Variants in METAP1D observed in about 807,000 individuals in gnomAD.
METAP1D encodes the protein methionine aminopeptidase 1D, mitochondrial.
A neutral mutation model predicts 40.5 loss-of-function variants in METAP1D; 31 were observed. The observed-to-expected ratio is 0.77, with a 90% CI of 0.58 to 1.03. The LOEUF (loss-of-function observed/expected upper bound fraction) is 1.03. Ranked by LOEUF, METAP1D falls within the 50% of genes least tolerant of loss-of-function variation. The pLI is 0.00. For missense variants in METAP1D, 411 were observed against 420.7 expected (o/e 0.98, Z 0.20); for synonymous variants, 151 against 146.4 (o/e 1.03, Z -0.22).
intron 1 of METAP1D, among the ~76,000 whole-genome samples, chr2:172,032,984 G>T (rs867121075): frequency 6.6e-6 from 1 of 151,962 alleles, no homozygotes; most frequent in Non-Finnish European, 1.5e-5. Flanking sequence ...GCGTGAACCC[G>T]GGAGGTGGAG....
rs1689674222 is a variant in METAP1D, at chr2:172,043,846, G to A, written c.41-17652G>A. On this transcript the variant is annotated intron_variant, in intron 1 of 9. Coordinates refer to ENST00000315796, the MANE Select transcript of METAP1D (RefSeq NM_199227.3). ...ATGGTGGCTCACGCCTGTAATTCCA[G>A]CACTGTGGGAGACCAAGGCAGGAGG... is the stretch of plus-strand genomic sequence containing the variant. Among the ~76,000 whole-genome samples the A allele has an allele frequency of 1.5e-5, 2 of 135,440 alleles. 1 individual carries two copies. Among genetic ancestry groups the A allele is most frequent in the South Asian group, 4.7e-4 (2 of 4,268 alleles). The allele number at this position is 135,440 out of a possible 152,430, so 88.9% of individuals were successfully genotyped here.
chr2:172,055,930 G>A (rs920535719), intron 1 of METAP1D, among the ~76,000 whole-genome samples: 2 of 152,100 alleles, frequency 1.3e-5, no homozygotes, highest in Non-Finnish European at 2.9e-5. Context: ...GGCAGGACAG[G>A]TACCTTGGCA....
At chr2:172,069,731 G>A (rs1690376978) in intron 5 of METAP1D, among the ~76,000 whole-genome samples, 1 of 152,228 alleles carries the variant, frequency 6.6e-6, no homozygotes, top group Middle Eastern at 3.4e-3. Context: ...GAAAACACTC[G>A]ATTAGAAGCC....
chr2:172,036,184 G>A (rs2094759575), intron 1 of METAP1D, among the ~76,000 whole-genome samples: 1 of 150,970 alleles, frequency 6.6e-6, no homozygotes, highest in Admixed American at 6.6e-5. Context: ...GGGCGTGGTG[G>A]CGGGTGCCTG....
chr2:172,040,547 A>G (rs1437047184), intron 1 of METAP1D, among the ~76,000 whole-genome samples: 1 of 152,178 alleles, frequency 6.6e-6, no homozygotes, highest in African/African-American at 2.4e-5. Flanking sequence ...ATTTTAAGAC[A>G]TACTGCTACT....
At position 172,023,616 on chromosome 2, in the gene METAP1D, G is replaced by C. The variant is rs139740024; in HGVS notation, c.40+23607G>C. Among the ~76,000 whole-genome samples, 566 of 152,134 alleles carry C rather than the reference G, an allele frequency of 3.7e-3. 5 individuals carry two copies. Among genetic ancestry groups the C allele is most frequent in the African/African-American group, 0.012 (515 of 41,484 alleles). ...GTACCTTAAGATTCGTGCATATCATGGTATGTAAATTTTACCTCAAGACAC... is the reference window on the plus strand; with the variant it reads ...GTACCTTAAGATTCGTGCATATCATCGTATGTAAATTTTACCTCAAGACAC... On this transcript the variant is annotated intron_variant, in intron 1 of 9. Transcript: ENST00000315796.
At chr2:172,069,604 G>A (rs1690373066) in intron 5 of METAP1D, among the ~76,000 whole-genome samples, 1 of 152,118 alleles carries the variant, frequency 6.6e-6, no homozygotes, top group African/African-American at 2.4e-5. Flanking sequence ...GTGAAATACT[G>A]CCAAGTGTAT....
At chr2:172,045,693 A>G (rs1170384653) in intron 1 of METAP1D, among the ~76,000 whole-genome samples, 6 of 71,952 alleles carry the variant, frequency 8.3e-5, no homozygotes, top group South Asian at 5.1e-4. Context: ...AGGATCATTC[A>G]TATATATGTG....
intron 1 of METAP1D, among the ~76,000 whole-genome samples, chr2:172,005,976 TA>T (rs552461799): frequency 7.3e-5 from 11 of 150,368 alleles, no homozygotes; most frequent in South Asian, 2.1e-4. Context: ...TTGCAGTCAT[TA>T]AAAAAAAATA....
chr2:172,047,370 G>A (rs1008151), intron 1 of METAP1D, among the ~76,000 whole-genome samples: 78,225 of 151,934 alleles, frequency 0.51, 21,278 homozygotes, highest in Middle Eastern at 0.62. Flanking sequence ...CAAGGGCAAC[G>A]TTAAAGTTTA....
At chr2:172,004,577 G>A (rs1355840988) in intron 1 of METAP1D, among the ~76,000 whole-genome samples, 7 of 151,838 alleles carry the variant, frequency 4.6e-5, no homozygotes, top group African/African-American at 9.7e-5. Flanking sequence ...CACCTGCCTC[G>A]GCCTCCCAAA....
intron 5 of METAP1D, among the ~76,000 whole-genome samples, chr2:172,067,790 A>G (rs1451195452): frequency 6.6e-6 from 1 of 152,204 alleles, no homozygotes; most frequent in Non-Finnish European, 1.5e-5. Context: ...TTACTTCACA[A>G]TTGCAAAACT....
At chr2:172,024,946 T>C (rs1342234825) in intron 1 of METAP1D, among the ~76,000 whole-genome samples, 1 of 152,204 alleles carries the variant, frequency 6.6e-6, no homozygotes, top group Non-Finnish European at 1.5e-5. Context: ...CTCAGTGATC[T>C]CAATTCCTTC....
chr2:172,056,371 G>A (rs1280615077), intron 1 of METAP1D, among the ~76,000 whole-genome samples: 2 of 152,214 alleles, frequency 1.3e-5, no homozygotes, highest in African/African-American at 4.8e-5. Flanking sequence ...TATTGCTCAA[G>A]ATCACATAGC....
rs1331981400 is a variant in METAP1D at position 172,042,429 on chromosome 2, A to G, written c.41-19069A>G. On this transcript the variant is annotated intron_variant, in intron 1 of 9. Transcript: ENST00000315796. ...TATGTATGTGTACATGTGTACATATATACATATGTATGTGTACATGCGTAC... is the reference window on the plus strand; with the variant it reads ...TATGTATGTGTACATGTGTACATATGTACATATGTATGTGTACATGCGTAC... Among the ~76,000 whole-genome samples, 2 of 58,294 alleles carry G rather than the reference A, an allele frequency of 3.4e-5. 1 individual carries two copies. The highest frequency in any genetic ancestry group is 6.9e-5 in the Non-Finnish European group (2 of 28,846). 38.2% of individuals were successfully genotyped at this position (58,294 alleles called of 152,430 possible). A position where few individuals can be genotyped will look rare whatever the true frequency, so the allele number is the denominator to read the frequency against.
intron 1 of METAP1D, among the ~76,000 whole-genome samples, chr2:172,026,782 T>C (rs1689128754): frequency 6.6e-6 from 1 of 152,156 alleles, no homozygotes; most frequent in Non-Finnish European, 1.5e-5. Flanking sequence ...TAGAGTGAAA[T>C]CACAGTTGCA....
At chr2:172,035,684 T>C (rs1416357460) in intron 1 of METAP1D, among the ~76,000 whole-genome samples, 3 of 152,120 alleles carry the variant, frequency 2.0e-5, no homozygotes, top group African/African-American at 7.2e-5. Flanking sequence ...GGGTCTTCTT[T>C]GTCACCCAGG....
At chr2:172,043,954 A>T (rs1419664786) in intron 1 of METAP1D, among the ~76,000 whole-genome samples, 1 of 134,282 alleles carries the variant, frequency 7.4e-6, no homozygotes, top group Non-Finnish European at 1.7e-5. Flanking sequence ...AATATTGGGC[A>T]TGGTGGCATG....
At chr2:172,001,367 C>G (rs1688456842) in intron 1 of METAP1D, among the ~76,000 whole-genome samples, 1 of 150,960 alleles carries the variant, frequency 6.6e-6, no homozygotes. Flanking sequence ...TGGTGAAACC[C>G]CGTCTCTACT....
Sources: allele counts gnomAD v4.1 joint callset (sites outside exome capture counted in the v4.1 genomes callset), GRCh38; gene constraint gnomAD v4.1.1; transcripts MANE v1.5; gene names NCBI Gene and HGNC (gene_info 2026-07-23, HGNC 2026-07-21).